The following ZBTB10 variants were observed in gnomAD, a reference collection of about 807,000 sequenced individuals.
The protein encoded by ZBTB10 is zinc finger and BTB domain containing 10, also known as zinc finger and BTB domain-containing protein 10.
Under a neutral mutation model 76.4 loss-of-function variants are expected in ZBTB10, and 32 were observed. The observed-to-expected ratio is 0.42, with a 90% CI of 0.32 to 0.56. The LOEUF is 0.56. Ranked by LOEUF, ZBTB10 falls within the 20% of genes least tolerant of loss-of-function variation. The pLI is 0.14. For missense variants in ZBTB10, 1,057 were observed against 1,098.5 expected (o/e 0.96, Z 0.53); for synonymous variants, 523 against 432.9 (o/e 1.21, Z -2.58).
At chr8:80,494,575 A>G (rs1183419747) in intron 1 of ZBTB10, among the ~76,000 whole-genome samples, 3 of 152,024 alleles carry the variant, frequency 2.0e-5, no homozygotes, top group South Asian at 2.1e-4. Flanking sequence ...ATTGACACCT[A>G]TCTTCCCTAA....
intron 2 of ZBTB10, among the ~76,000 whole-genome samples, chr8:80,506,935 G>A (rs1027107005): frequency 1.3e-5 from 2 of 149,202 alleles, no homozygotes; most frequent in Non-Finnish European, 3.0e-5. Context: ...AACTTGGGGG[G>A]GTTCTAATAA....
chr8:80,489,622 G>A (rs937320073), intron 1 of ZBTB10, among the ~76,000 whole-genome samples: 1 of 152,134 alleles, frequency 6.6e-6, no homozygotes, highest in Non-Finnish European at 1.5e-5. Flanking sequence ...GGTAGCCTCA[G>A]CTTGAGTGTA....
At chr8:80,517,467 C>T (rs1816352525) in intron 3 of ZBTB10, among the ~76,000 whole-genome samples, 1 of 152,162 alleles carries the variant, frequency 6.6e-6, no homozygotes, top group East Asian at 1.9e-4. Context: ...ATGTATTATT[C>T]TATTTTGATT....
Position 80,486,283 on chromosome 8 carries a change from T to C in ZBTB10, c.-528T>C, listed in dbSNP as rs1015017298. ...GGACGGAAACGCTCCGCCGGCTTTA[T>C]TGTCGCTTCGTTATGTGGCGGAGCC... On this transcript the variant is annotated 5_prime_UTR_variant, in exon 1 of 6. Transcript: ENST00000455036. 7 of 1,014,000 alleles carry C rather than the reference T, an allele frequency of 6.9e-6. No individual in the cohort carries two copies. The highest frequency in any genetic ancestry group is 4.0e-5 in the South Asian group (1 of 24,746). The allele number at this position is 1,014,000 out of a possible 1,614,324, so 62.8% of individuals were successfully genotyped here.
rs1233231519 is a variant in ZBTB10, at chr8:80,521,792, CTTTTG to C, written c.*2268_*2272del. On this transcript the variant is annotated 3_prime_UTR_variant, in exon 6 of 6. Coordinates refer to ENST00000455036, the MANE Select transcript of ZBTB10 (RefSeq NM_001105539.3). ...CTTGGTACACTACGGGATTGTTGTGCTTTTGTTTGGTTTTAGTTGGAAATAAGGTT... is the reference window on the plus strand; with the variant it reads ...CTTGGTACACTACGGGATTGTTGTGCTTTGGTTTTAGTTGGAAATAAGGTT... The C allele has an allele frequency of 8.6e-5, 13 of 151,602 alleles. No homozygotes were observed. Among genetic ancestry groups the C allele is most frequent in the Non-Finnish European group, 1.9e-4 (13 of 67,740 alleles). 9.4% of individuals were successfully genotyped at this position (151,602 alleles called of 1,614,324 possible). A position where few individuals can be genotyped will look rare whatever the true frequency, so the allele number is the denominator to read the frequency against.
Position 80,486,726 on chromosome 8 carries a change from G to A in ZBTB10, c.-85G>A. On this transcript the variant is annotated 5_prime_UTR_variant, in exon 1 of 6. Transcript: ENST00000455036. ...ACGCCGGGGGCGGGGGCGAGACAGA[G>A]GGGGAGCCGCGGGGAGCGCGCGGGA... 2.0e-6 allele frequency: 2 copies of A among 1,005,986 alleles called. No homozygotes were observed. The highest frequency in any genetic ancestry group is 2.4e-6 in the Non-Finnish European group (2 of 844,256). 62.3% of individuals were successfully genotyped at this position (1,005,986 alleles called of 1,614,324 possible).
intron 2 of ZBTB10, among the ~76,000 whole-genome samples, chr8:80,504,473 CCA>C (rs1238065806): frequency 2.0e-5 from 3 of 151,994 alleles, no homozygotes; most frequent in Non-Finnish European, 4.4e-5. Flanking sequence ...GAAGGTGTAC[CCA>C]TAGCTGCAGG....
At chr8:80,486,214 G>A, upstream of ZBTB10, 1 of 1,082,786 alleles carries the variant, frequency 9.2e-7, no homozygotes, top group Non-Finnish European at 1.1e-6. Flanking sequence ...GTGGGCGCAC[G>A]GTCCGTTGTT....
chr8:80,498,985 C>T (rs1815856016), intron 1 of ZBTB10, among the ~76,000 whole-genome samples: 1 of 152,174 alleles, frequency 6.6e-6, no homozygotes. Flanking sequence ...TAATTAACTT[C>T]ATTGACCTAA....
chr8:80,517,483 T>A (rs1439445084), intron 3 of ZBTB10, among the ~76,000 whole-genome samples: 1 of 152,230 alleles, frequency 6.6e-6, no homozygotes, highest in East Asian at 1.9e-4. Context: ...TGATTCTATC[T>A]TCTGCACGTT....
chr8:80,509,034 T>G (rs942197633), intron 2 of ZBTB10, among the ~76,000 whole-genome samples: 1 of 152,128 alleles, frequency 6.6e-6, no homozygotes, highest in African/African-American at 2.4e-5. Context: ...CTAGTCTAAG[T>G]AAGATGGGGC....
intron 2 of ZBTB10, 22 bp from the exon 3 acceptor site, chr8:80,513,888 T>A: frequency 6.2e-7 from 1 of 1,607,098 alleles, no homozygotes; most frequent in Non-Finnish European, 8.5e-7. Flanking sequence ...TGTAGATAAA[T>A]TTTTCTATGT....
intron 1 of ZBTB10, among the ~76,000 whole-genome samples, chr8:80,498,589 A>G (rs1815845248): frequency 6.6e-6 from 1 of 152,356 alleles, no homozygotes; most frequent in South Asian, 2.1e-4. Context: ...GAGGAAAGTC[A>G]TAAAGTTTTA....
intron 2 of ZBTB10, among the ~76,000 whole-genome samples, chr8:80,506,169 A>T (rs990744505): frequency 6.6e-6 from 1 of 152,086 alleles, no homozygotes; most frequent in Admixed American, 6.5e-5. Context: ...CCCTAATGGG[A>T]AAGAAGTAAA....
chr8:80,515,535 G>A (rs199791587), intron 3 of ZBTB10, among the ~76,000 whole-genome samples: 1 of 152,112 alleles, frequency 6.6e-6, no homozygotes, highest in Non-Finnish European at 1.5e-5. Context: ...TTTTTTGCTC[G>A]TACAGAAAGT....
In ZBTB10 at chr8:80,500,521, T is replaced by C; in HGVS notation, c.1861+139T>C. ...TTTACAAAAGAAGGGGGAACGTCAT[T>C]CAAATGCATAACATATTTGGTATAT... On this transcript the variant is annotated intron_variant, in intron 2 of 5. Coordinates refer to ENST00000455036, the MANE Select transcript of ZBTB10 (RefSeq NM_001105539.3). The C allele has an allele frequency of 3.5e-6, 3 of 850,098 alleles. No individual in the cohort carries two copies. In the South Asian group the frequency reaches 6.9e-5, roughly 20 times the overall value. 52.7% of individuals were successfully genotyped at this position (850,098 alleles called of 1,614,324 possible).
At chr8:80,487,908 C>T in intron 1 of ZBTB10, 126 bp downstream of exon 1, 5 of 1,146,936 alleles carry the variant, frequency 4.4e-6, no homozygotes, top group Non-Finnish European at 5.9e-6. Flanking sequence ...GACATCGTTC[C>T]AGTTGAGAGG....
chr8:80,485,673 G>A (rs902631234), upstream of ZBTB10: 41 of 919,542 alleles, frequency 4.5e-5, no homozygotes, highest in East Asian at 1.2e-3. Context: ...CATCAAAGGA[G>A]GTTGTGTCCG....
chr8:80,516,362 C>T (rs1198982662), intron 3 of ZBTB10, among the ~76,000 whole-genome samples: 1 of 152,186 alleles, frequency 6.6e-6, no homozygotes, highest in Non-Finnish European at 1.5e-5. Context: ...ATTTATTCTA[C>T]AAGTAATTGT....
Sources: gnomAD v4.1 joint callset for allele counts (sites outside exome capture counted in the v4.1 genomes callset) on GRCh38, gnomAD v4.1.1 for gene constraint, MANE v1.5 for transcripts, NCBI Gene and HGNC (gene_info 2026-07-23, HGNC 2026-07-21) for gene names.